Variants in ACTG2 observed in about 807,000 individuals in gnomAD.
ACTG2 encodes the protein actin, gamma-enteric smooth muscle.
A neutral mutation model predicts 37.6 loss-of-function variants in ACTG2; 16 were observed. The ratio of observed to expected loss-of-function variants is 0.43; its 90% CI spans 0.29 to 0.65. The LOEUF (loss-of-function observed/expected upper bound fraction) is 0.65. ACTG2 is among the 30% of genes least tolerant of loss of function. ACTG2 has a pLI of 0.18. For synonymous variants in ACTG2, 181 were observed against 179.9 expected (o/e 1.01, Z -0.05); for missense variants, 238 against 490.9 (o/e 0.48, Z 4.87).
intron 1 of ACTG2, among the ~76,000 whole-genome samples, chr2:73,897,830 G>A (rs1351999707): frequency 6.6e-6 from 1 of 152,168 alleles, no homozygotes; most frequent in Non-Finnish European, 1.5e-5. Flanking sequence ...CCGTTACATG[G>A]CAGAAGAGCA....
chr2:73,910,645 C>T (rs987276268), intron 5 of ACTG2, among the ~76,000 whole-genome samples: 5 of 147,702 alleles, frequency 3.4e-5, no homozygotes, highest in East Asian at 2.0e-4. Flanking sequence ...ACTACAGGAG[C>T]GTGCCACCAT....
chr2:73,899,689 A>G (rs1488789530), intron 1 of ACTG2, among the ~76,000 whole-genome samples: 1 of 152,162 alleles, frequency 6.6e-6, no homozygotes, highest in Admixed American at 6.5e-5. Context: ...CTGCCTCCTC[A>G]TTGACATTGA....
intron 1 of ACTG2, among the ~76,000 whole-genome samples, chr2:73,895,714 A>G (rs1344347894): frequency 1.3e-5 from 2 of 152,240 alleles, no homozygotes; most frequent in Non-Finnish European, 2.9e-5. Context: ...GGATCATTCA[A>G]TTCCTTTCAA....
chr2:73,894,972 A>G (rs1402201594), intron 1 of ACTG2, among the ~76,000 whole-genome samples: 8 of 152,172 alleles, frequency 5.3e-5, no homozygotes, highest in Admixed American at 3.3e-4. Flanking sequence ...GGACTGGAAC[A>G]GGGCAAGAGC....
intron 3 of ACTG2, among the ~76,000 whole-genome samples, chr2:73,904,778 T>TAC (rs1491471483): frequency 2.1e-3 from 22 of 10,600 alleles, no homozygotes; most frequent in African/African-American, 7.5e-3. Flanking sequence ...TGTGTGTGTG[T>TAC]ATATATATAT....
intron 3 of ACTG2, among the ~76,000 whole-genome samples, chr2:73,906,355 G>A (rs975327785): frequency 1.3e-5 from 2 of 152,040 alleles, no homozygotes; most frequent in African/African-American, 2.4e-5. Flanking sequence ...GGAGGCTGAC[G>A]CAGGAGAATG....
At chr2:73,900,232 TG>T (rs1412059603) in intron 1 of ACTG2, among the ~76,000 whole-genome samples, 1 of 152,216 alleles carries the variant, frequency 6.6e-6, no homozygotes, top group African/African-American at 2.4e-5. Flanking sequence ...GCCCCTCAGC[TG>T]GGGCCTTCCC....
chr2:73,898,528 C>A (rs919275587), intron 1 of ACTG2, among the ~76,000 whole-genome samples: 2 of 150,462 alleles, frequency 1.3e-5, no homozygotes, highest in Non-Finnish European at 2.9e-5. Flanking sequence ...TTCATTCACT[C>A]ATGACCATTT....
chr2:73,898,534 C>T (rs1721259), intron 1 of ACTG2, among the ~76,000 whole-genome samples: 119,265 of 150,316 alleles, frequency 0.79, 47,547 homozygotes, highest in Admixed American at 0.84. Flanking sequence ...CACTCATGAC[C>T]ATTTCACAAA....
At position 73,914,670 on chromosome 2, in the gene ACTG2, C is replaced by T; in HGVS notation, c.614-10C>T. Reference sequence around the variant, plus strand: ...CAGTATTCACCTTCTGTCATTTCTGCTCCTTCCAGCTGAGAGAGAAATTGT... The same window carrying T: ...CAGTATTCACCTTCTGTCATTTCTGTTCCTTCCAGCTGAGAGAGAAATTGT... On this transcript the variant is annotated splice_polypyrimidine_tract_variant and intron_variant, in intron 6 of 8. Coordinates refer to ENST00000345517, the MANE Select transcript of ACTG2 (RefSeq NM_001615.4). 6.4e-7 allele frequency: 1 copy of T among 1,550,908 alleles called. No individual in the cohort carries two copies. The highest frequency in any genetic ancestry group is 8.7e-7 in the Non-Finnish European group (1 of 1,146,200).
intron 1 of ACTG2, among the ~76,000 whole-genome samples, chr2:73,898,371 T>TTTTTTTTTTTTTTTTTG (rs1679798255): frequency 1.5e-5 from 2 of 133,802 alleles, no homozygotes; most frequent in Non-Finnish European, 3.3e-5. Flanking sequence ...TCTATTGTAT[T>TTTTTTTTTTTTTTTTTG]AAATATTTCA....
At chr2:73,917,851 C>A (rs1214788582) in intron 8 of ACTG2, among the ~76,000 whole-genome samples, 1 of 152,014 alleles carries the variant, frequency 6.6e-6, no homozygotes, top group Non-Finnish European at 1.5e-5. Flanking sequence ...CTGTGGAGAG[C>A]TGTGCCAGGC....
chr2:73,896,489 C>T (rs948302448), intron 1 of ACTG2, among the ~76,000 whole-genome samples: 1 of 152,074 alleles, frequency 6.6e-6, no homozygotes, highest in African/African-American at 2.4e-5. Flanking sequence ...CTATCATTTC[C>T]ATGTTCTAGC....
At chr2:73,915,855 A>G (rs6724905) in intron 7 of ACTG2, among the ~76,000 whole-genome samples, 17,994 of 152,108 alleles carry the variant, frequency 0.12, 2,818 homozygotes, top group African/African-American at 0.36. Flanking sequence ...CAGAAAGTGG[A>G]TTCACTGTTA....
Position 73,901,281 on chromosome 2 carries a change from C to T in ACTG2, c.-31C>T, listed in dbSNP as rs200192309. ...CTTCTCCCGCAAATCCCAAGGTGCT[C>T]CAGTCCCCAGCTCACTCAGCCACAC... On this transcript the variant is annotated 5_prime_UTR_variant, in exon 2 of 9. Transcript: ENST00000345517. 941 of 1,534,458 alleles carry T rather than the reference C, an allele frequency of 6.1e-4. No individual in the cohort carries two copies. Among genetic ancestry groups the T allele is most frequent in the Non-Finnish European group, 6.5e-4 (735 of 1,134,674 alleles).
intron 8 of ACTG2, among the ~76,000 whole-genome samples, 161 bp downstream of exon 8, chr2:73,916,926 T>C (rs919031969): frequency 5.3e-5 from 8 of 152,214 alleles, no homozygotes; most frequent in African/African-American, 1.9e-4. Flanking sequence ...ATTATGTTCC[T>C]TGGGCATTGA....
intron 6 of ACTG2, 131 bp downstream of exon 6, chr2:73,913,777 T>A: frequency 1.3e-6 from 1 of 762,680 alleles, no homozygotes; most frequent in Non-Finnish European, 2.1e-6. Context: ...TGAGAGGCCT[T>A]AAGCTGGGGC....
rs150605430 is a variant in ACTG2 at position 73,914,984 on chromosome 2, G to A, written c.805+113G>A. 333 of 910,606 alleles carry A rather than the reference G, an allele frequency of 3.7e-4. No individual in the cohort carries two copies. In the East Asian group the frequency reaches 5.4e-3, roughly 15 times the overall value. The allele number at this position is 910,606 out of a possible 1,614,324, so 56.4% of individuals were successfully genotyped here. A position where few individuals can be genotyped will look rare whatever the true frequency, so the allele number is the denominator to read the frequency against. On this transcript the variant is annotated intron_variant, in intron 7 of 8. Coordinates refer to ENST00000345517, the MANE Select transcript of ACTG2 (RefSeq NM_001615.4). Reference sequence around the variant, plus strand: ...TGGCCACTTTGTTAATTACATACACGTACCTCACATTTTCCTAGGAAGGGC... The same window carrying A: ...TGGCCACTTTGTTAATTACATACACATACCTCACATTTTCCTAGGAAGGGC...
intron 3 of ACTG2, chr2:73,908,377 T>C (rs2104814962): frequency 5.7e-6 from 3 of 522,122 alleles, no homozygotes; most frequent in South Asian, 4.6e-5. Flanking sequence ...CTTGCATCAC[T>C]CAGTGCACAA....
Sources: gnomAD v4.1 joint callset for allele counts (sites outside exome capture counted in the v4.1 genomes callset) on GRCh38, gnomAD v4.1.1 for gene constraint, MANE v1.5 for transcripts, NCBI Gene and HGNC (gene_info 2026-07-23, HGNC 2026-07-21) for gene names.